QPCT: variants seen among roughly 807,000 people sequenced by gnomAD.
QPCT encodes the protein glutaminyl-peptide cyclotransferase, also known as EC.
QPCT carries 44 observed loss-of-function variants against 43.4 expected under a neutral mutation model. The observed-to-expected ratio is 1.01, with a 90% confidence interval of 0.80 to 1.30. QPCT has a LOEUF of 1.30. QPCT is among the 50% of genes most tolerant of loss of function. QPCT has a pLI of 0.00. For missense variants in QPCT, 526 were observed against 436.5 expected (o/e 1.21, Z -1.83); for synonymous variants, 168 against 168.4 (o/e 1.00, Z 0.02).
intron 5 of QPCT, among the ~76,000 whole-genome samples, chr2:37,371,823 C>T (rs565642797): frequency 7.9e-5 from 12 of 152,260 alleles, no homozygotes; most frequent in African/African-American, 2.4e-4. Flanking sequence ...ATTTCTGACA[C>T]GTTCCTAGGT....
chr2:37,347,217 A>T (rs1220021867), intron 1 of QPCT, among the ~76,000 whole-genome samples: 1 of 77,164 alleles, frequency 1.3e-5, no homozygotes, highest in Non-Finnish European at 2.4e-5. Flanking sequence ...CATATATATA[A>T]CATATATATA....
At chr2:37,352,042 A>G (rs1244194384) in intron 1 of QPCT, among the ~76,000 whole-genome samples, 2 of 152,018 alleles carry the variant, frequency 1.3e-5, no homozygotes, top group Admixed American at 1.3e-4. Flanking sequence ...AAAAAAAAAA[A>G]AGATTATGAA....
intron 5 of QPCT, 99 bp downstream of exon 5, chr2:37,369,883 G>A: frequency 1.8e-6 from 2 of 1,097,564 alleles, no homozygotes; most frequent in South Asian, 2.6e-5. Context: ...TGGGCGCAGT[G>A]GCTCACACCT....
chr2:37,369,340 C>T (rs1054160756), intron 4 of QPCT, among the ~76,000 whole-genome samples: 2 of 152,230 alleles, frequency 1.3e-5, no homozygotes, highest in African/African-American at 2.4e-5. Flanking sequence ...ATTAGAAGAT[C>T]AGATAGGCTT....
rs112031803 is a variant in QPCT, at chr2:37,372,476, A to ATGTG, written c.940+20_940+23dup. The ATGTG allele has an allele frequency of 1.3e-5, 21 of 1,559,892 alleles. No homozygotes were observed. In the East Asian group the frequency reaches 2.1e-4, roughly 15 times the overall value. On this transcript the variant is annotated splice_donor_region_variant and intron_variant, in intron 6 of 6. Transcript: ENST00000338415. ...CATATTCCATTTTTAAGAAGAGGTA[A>ATGTG]TGTGTGTGTGTGTGTGTGTTTGTGT... is the stretch of plus-strand genomic sequence containing the variant.
intron 1 of QPCT, 106 bp downstream of exon 1, chr2:37,344,957 C>T: frequency 7.0e-7 from 1 of 1,422,722 alleles, no homozygotes; most frequent in Middle Eastern, 2.0e-4. Context: ...GGGGCAGGGC[C>T]ACGGTCCCCA....
In QPCT at chr2:37,366,329, C is replaced by T. The variant is rs549569133; in HGVS notation, c.547-903C>T. Among the ~76,000 whole-genome samples, 14 of 152,178 alleles carry T rather than the reference C, an allele frequency of 9.2e-5. No individual in the cohort carries two copies. The South Asian group carries it at 2.9e-3, about 32-fold the overall frequency. ...TTTTTCATAAAGCCCTCCTTGACACCCCCAGGATTTTGCTTCTCATTCTAT... is the reference window on the plus strand; with the variant it reads ...TTTTTCATAAAGCCCTCCTTGACACTCCCAGGATTTTGCTTCTCATTCTAT... On this transcript the variant is annotated intron_variant, in intron 3 of 6. Coordinates refer to ENST00000338415, the MANE Select transcript of QPCT (RefSeq NM_012413.4).
chr2:37,368,464 T>G, intron 4 of QPCT: 2 of 382,590 alleles, frequency 5.2e-6, no homozygotes, highest in South Asian at 2.0e-5. Flanking sequence ...TCCCTGACGC[T>G]CACCCCATCT....
At chr2:37,367,452 CT>C (rs1672985248) in intron 4 of QPCT, 44 bp downstream of exon 4, 2 of 1,571,732 alleles carry the variant, frequency 1.3e-6, no homozygotes, top group Non-Finnish European at 1.7e-6. Context: ...GTAGGCTCCG[CT>C]TCCAAGGAAA....
intron 1 of QPCT, among the ~76,000 whole-genome samples, chr2:37,349,103 G>A (rs1331993360): frequency 1.3e-5 from 2 of 152,222 alleles, no homozygotes; most frequent in Non-Finnish European, 2.9e-5. Context: ...GAAGGCTTAA[G>A]TAGTTGACTG....
At chr2:37,355,117 A>G (rs971745759) in intron 2 of QPCT, among the ~76,000 whole-genome samples, 3 of 152,226 alleles carry the variant, frequency 2.0e-5, no homozygotes, top group Non-Finnish European at 4.4e-5. Flanking sequence ...ACAGTATTTT[A>G]GAATGTGTTG....
At chr2:37,356,803 C>A (rs556895536) in intron 2 of QPCT, among the ~76,000 whole-genome samples, 1 of 151,996 alleles carries the variant, frequency 6.6e-6, no homozygotes, top group Non-Finnish European at 1.5e-5. Flanking sequence ...GTCAGGAGAT[C>A]GAGACCATCC....
At chr2:37,362,668 A>G (rs11902200) in intron 3 of QPCT, among the ~76,000 whole-genome samples, 19,378 of 152,210 alleles carry the variant, frequency 0.13, 3,772 homozygotes, top group African/African-American at 0.42. Flanking sequence ...CAGAAGTTGG[A>G]TGGAGAAATG....
intron 2 of QPCT, among the ~76,000 whole-genome samples, chr2:37,354,344 GAAT>G (rs1337905875): frequency 1.3e-5 from 2 of 152,212 alleles, no homozygotes; most frequent in Non-Finnish European, 2.9e-5. Context: ...GCAGAGTGAA[GAAT>G]AATAGCAATG....
At chr2:37,349,349 A>G (rs1331497097) in intron 1 of QPCT, among the ~76,000 whole-genome samples, 2 of 152,250 alleles carry the variant, frequency 1.3e-5, no homozygotes, top group African/African-American at 4.8e-5. Flanking sequence ...TTAGTCATCC[A>G]TTAAGCATTT....
intron 1 of QPCT, among the ~76,000 whole-genome samples, chr2:37,347,265 C>A: frequency 9.5e-6 from 1 of 104,854 alleles, no homozygotes; most frequent in African/African-American, 4.5e-5. Flanking sequence ...ATATATACAT[C>A]CACCTCACTT....
At chr2:37,368,934 T>G (rs58836888) in intron 4 of QPCT, among the ~76,000 whole-genome samples, 1,733 of 152,348 alleles carry the variant, frequency 0.011, 29 homozygotes, top group African/African-American at 0.038. Flanking sequence ...ATGAATATAT[T>G]GAATTTTCAT....
intron 2 of QPCT, among the ~76,000 whole-genome samples, chr2:37,353,304 T>C (rs1161926451): frequency 6.6e-6 from 1 of 152,226 alleles, no homozygotes; most frequent in African/African-American, 2.4e-5. Context: ...AGTATCATTG[T>C]ACTGTCAGGC....
At chr2:37,361,945 G>A (rs1486029154) in intron 3 of QPCT, among the ~76,000 whole-genome samples, 2 of 152,236 alleles carry the variant, frequency 1.3e-5, no homozygotes, top group African/African-American at 4.8e-5. Context: ...ACTAGGCTGA[G>A]TTACTAGTAA....
Sources: allele counts gnomAD v4.1 joint callset (sites outside exome capture counted in the v4.1 genomes callset), GRCh38; gene constraint gnomAD v4.1.1; transcripts MANE v1.5; gene names NCBI Gene and HGNC (gene_info 2026-07-23, HGNC 2026-07-21).